Variants in ASB3 observed in about 807,000 individuals in gnomAD.
ASB3 encodes ankyrin repeat and SOCS box containing 3.
A neutral mutation model predicts 54.5 loss-of-function variants in ASB3; 41 were observed. The observed-to-expected ratio is 0.75, with a 90% CI of 0.59 to 0.98. The LOEUF is 0.98. ASB3 is among the 50% of genes least tolerant of loss of function. ASB3 has a pLI of 0.00. For synonymous variants in ASB3, 266 were observed against 221.2 expected (o/e 1.20, Z -1.80); for missense variants, 733 against 620.0 (o/e 1.18, Z -1.94).
chr2:53,740,577 G>C (rs1332024968), intron 3 of ASB3, among the ~76,000 whole-genome samples: 1 of 152,116 alleles, frequency 6.6e-6, no homozygotes, highest in African/African-American at 2.4e-5. Context: ...ATACTAAAAA[G>C]TTATATTTCT....
At chr2:53,773,226 C>A (rs918209806) in intron 1 of ASB3, among the ~76,000 whole-genome samples, 1 of 151,618 alleles carries the variant, frequency 6.6e-6, no homozygotes, top group Non-Finnish European at 1.5e-5. Flanking sequence ...TTTTAATGAC[C>A]AAGTGAAAGG....
chr2:53,736,568 G>A (rs763511850), intron 3 of ASB3, among the ~76,000 whole-genome samples: 17 of 151,952 alleles, frequency 1.1e-4, no homozygotes, highest in Admixed American at 2.0e-4. Flanking sequence ...GCATGTTGGC[G>A]GGCGCCTGTA....
At chr2:53,722,191 C>A (rs576500915) in intron 5 of ASB3, among the ~76,000 whole-genome samples, 47 of 149,996 alleles carry the variant, frequency 3.1e-4, no homozygotes, top group African/African-American at 8.8e-4. Context: ...AAAAAAAAAA[C>A]CTACCAACCA....
At position 53,671,695 on chromosome 2, in the gene ASB3, G is replaced by GAGCAA. The variant is rs1553367660; in HGVS notation, c.1370-1006_1370-1005insTTGCT. Among the ~76,000 whole-genome samples the GAGCAA allele has an allele frequency of 1.7e-3, 246 of 145,844 alleles. 11 individuals carry two copies. The highest frequency in any genetic ancestry group is 3.4e-3 in the Middle Eastern group (1 of 292). Reference sequence around the variant, plus strand: ...AATTGCTTGAACCTGGGAGGCGGAGGTTGCAGTGAGCCGAGATCATGCCAC... The same window carrying GAGCAA: ...AATTGCTTGAACCTGGGAGGCGGAGGAGCAATTGCAGTGAGCCGAGATCATGCCAC... On this transcript the variant is annotated intron_variant, in intron 9 of 9. Coordinates refer to ENST00000263634, the MANE Select transcript of ASB3 (RefSeq NM_016115.5).
intron 9 of ASB3, among the ~76,000 whole-genome samples, chr2:53,677,416 C>A (rs1031402009): frequency 6.6e-6 from 1 of 152,022 alleles, no homozygotes; most frequent in African/African-American, 2.4e-5. Context: ...TAACAAATAC[C>A]CTAAGTTGTA....
intron 9 of ASB3, among the ~76,000 whole-genome samples, chr2:53,687,037 C>T (rs1395422685): frequency 1.3e-5 from 2 of 152,152 alleles, no homozygotes; most frequent in Non-Finnish European, 2.9e-5. Flanking sequence ...CCTTTCTTAA[C>T]GTACCAACAG....
intron 9 of ASB3, among the ~76,000 whole-genome samples, chr2:53,689,462 C>A (rs1450258986): frequency 1.3e-5 from 2 of 152,148 alleles, no homozygotes; most frequent in Non-Finnish European, 2.9e-5. Context: ...GTTTTATTAT[C>A]CTAAACTAGA....
chr2:53,765,500 C>T lies in ASB3; in HGVS notation c.73G>A (p.Val25Ile), dbSNP rs1456331736. The change falls in exon 2 of 10, where the codon GTC (valine) becomes ATC (isoleucine). Residue 25 changes from valine (V) to isoleucine (I), a missense_variant. Coordinates refer to ENST00000263634, the MANE Select transcript of ASB3 (RefSeq NM_016115.5). ...CCCTTTTTGAGCAGTTTCCTTAAGA[C>T]TTTAACATTGCCTTCCCTGGCAGCA... ...GLAAREGNVK[V>I]LRKLLKKGRS... 6.2e-7 allele frequency: 1 copy of T among 1,614,102 alleles called. No homozygotes were observed. Among genetic ancestry groups the T allele is most frequent in the Admixed American group, 1.7e-5 (1 of 60,006 alleles).
intron 2 of ASB3, among the ~76,000 whole-genome samples, chr2:53,758,976 G>A (rs532494639): frequency 1.3e-5 from 2 of 152,172 alleles, no homozygotes; most frequent in African/African-American, 4.8e-5. Context: ...TGGCTATATT[G>A]ATGTTTTACA....
At chr2:53,773,757 A>C (rs1486342963) in intron 1 of ASB3, among the ~76,000 whole-genome samples, 1 of 150,196 alleles carries the variant, frequency 6.7e-6, no homozygotes, top group African/African-American at 2.4e-5. Context: ...AGATACAGGC[A>C]GGCATGGTGG....
At position 53,786,950 on chromosome 2, in the gene ASB3, C is replaced by T. The variant is rs1253774568; in HGVS notation, c.-143G>A. ...CGTCCGAAAACGAGAGACGCGCAGG[C>T]GACGTCCCGGCCCCCGTAGGCGGAC... On this transcript the variant is annotated 5_prime_UTR_variant, in exon 1 of 10. Coordinates refer to ENST00000263634, the MANE Select transcript of ASB3 (RefSeq NM_016115.5). 1.1e-5 allele frequency: 5 copies of T among 441,968 alleles called. No homozygotes were observed. The highest frequency in any genetic ancestry group is 4.0e-5 in the African/African-American group (2 of 49,812). The allele number at this position is 441,968 out of a possible 1,614,324, so 27.4% of individuals were successfully genotyped here.
At chr2:53,730,238 T>C (rs74584230) in intron 3 of ASB3, among the ~76,000 whole-genome samples, 2,969 of 152,254 alleles carry the variant, frequency 0.02, 97 homozygotes, top group African/African-American at 0.068. Flanking sequence ...AATGCCAGAA[T>C]AGAATTACAA....
intron 9 of ASB3, among the ~76,000 whole-genome samples, chr2:53,675,042 C>T (rs983780233): frequency 1.3e-5 from 2 of 152,098 alleles, no homozygotes; most frequent in African/African-American, 4.8e-5. Context: ...GGCAAGTCAT[C>T]TAAATATTCT....
chr2:53,744,115 G>A (rs571325420), intron 3 of ASB3, among the ~76,000 whole-genome samples: 9 of 151,024 alleles, frequency 6.0e-5, no homozygotes, highest in South Asian at 4.2e-4. Flanking sequence ...AGTGGCTCAC[G>A]CCTGTAATCC....
chr2:53,784,293 G>A (rs1353637147), intron 1 of ASB3, among the ~76,000 whole-genome samples: 3 of 152,138 alleles, frequency 2.0e-5, no homozygotes, highest in Non-Finnish European at 2.9e-5. Context: ...AGTGTAGCCC[G>A]ACCACTTTGG....
intron 5 of ASB3, among the ~76,000 whole-genome samples, chr2:53,726,043 C>T (rs1212850376): frequency 1.3e-5 from 2 of 152,002 alleles, no homozygotes; most frequent in African/African-American, 4.8e-5. Flanking sequence ...TTACAGACAA[C>T]TCACTGAAAC....
At chr2:53,685,279 TAGA>T (rs1303440026) in intron 9 of ASB3, among the ~76,000 whole-genome samples, 1 of 152,176 alleles carries the variant, frequency 6.6e-6, no homozygotes, top group Non-Finnish European at 1.5e-5. Flanking sequence ...ACAAAGGCAG[TAGA>T]AGAAGAGATG....
At chr2:53,735,089 T>A (rs1671546415) in intron 3 of ASB3, among the ~76,000 whole-genome samples, 1 of 151,936 alleles carries the variant, frequency 6.6e-6, no homozygotes, top group Admixed American at 6.5e-5. Context: ...CCAGATAATT[T>A]TTGTACTTTT....
chr2:53,680,832 T>C (rs1668331676), intron 9 of ASB3, among the ~76,000 whole-genome samples: 1 of 152,236 alleles, frequency 6.6e-6, no homozygotes, highest in East Asian at 1.9e-4. Flanking sequence ...TCTAACTATA[T>C]TTTTGTATCC....
Sources: allele counts gnomAD v4.1 joint callset (sites outside exome capture counted in the v4.1 genomes callset), GRCh38; gene constraint gnomAD v4.1.1; transcripts MANE v1.5; gene names NCBI Gene and HGNC (gene_info 2026-07-23, HGNC 2026-07-21).